The following SRBD1 variants were observed in gnomAD, a reference collection of about 807,000 sequenced individuals.
The protein encoded by SRBD1 is S1 RNA binding domain 1.
SRBD1 carries 88 observed loss-of-function variants against 115.3 expected under a neutral mutation model. The ratio of observed to expected loss-of-function variants is 0.76; its 90% CI spans 0.64 to 0.91. SRBD1 has a LOEUF of 0.91. Ranked by LOEUF, SRBD1 falls within the 40% of genes least tolerant of loss-of-function variation. SRBD1 has a pLI of 0.00. For missense variants in SRBD1, 1,385 were observed against 1,177.4 expected, an observed-to-expected ratio of 1.18 and a Z score of -2.58; for synonymous variants, 509 against 407.7, an observed-to-expected ratio of 1.25 and a Z score of -2.99.
At chr2:45,406,596 C>T (rs1667444729) in intron 19 of SRBD1, among the ~76,000 whole-genome samples, 1 of 152,104 alleles carries the variant, frequency 6.6e-6, no homozygotes, top group Non-Finnish European at 1.5e-5. Flanking sequence ...TACTCCTCTC[C>T]TAAAATAAGA....
chr2:45,598,468 GC>G (rs1316597032), intron 4 of SRBD1, among the ~76,000 whole-genome samples: 1 of 152,064 alleles, frequency 6.6e-6, no homozygotes, highest in Non-Finnish European at 1.5e-5. Flanking sequence ...CGAAAAATTA[GC>G]CGGGCGTGGT....
chr2:45,596,929 A>AACAC (rs3223332), intron 4 of SRBD1, among the ~76,000 whole-genome samples: 36,361 of 142,908 alleles, frequency 0.25, 4,921 homozygotes, highest in East Asian at 0.41. Flanking sequence ...CCACAACCCT[A>AACAC]ACACACACAC....
At chr2:45,519,902 C>T (rs1455841137) in intron 14 of SRBD1, among the ~76,000 whole-genome samples, 1 of 152,022 alleles carries the variant, frequency 6.6e-6, no homozygotes, top group Admixed American at 6.6e-5. Context: ...ATGAGGAAAA[C>T]AAGGCACAGA....
chr2:45,402,687 T>C lies in SRBD1; in HGVS notation c.2514-9558A>G, dbSNP rs571307630. Among the ~76,000 whole-genome samples, 94 of 152,314 alleles carry C rather than the reference T, an allele frequency of 6.2e-4. 1 individual carries two copies. The highest frequency in any genetic ancestry group is 1.8e-3 in the African/African-American group (73 of 41,574). On this transcript the variant is annotated intron_variant, in intron 19 of 20. Coordinates refer to ENST00000263736, the MANE Select transcript of SRBD1 (RefSeq NM_018079.5). ...AGTCTTGACAATAAATTTCCTGATA[T>C]TTTTCAAGTTAAATCAAGAGCACAA... is the stretch of plus-strand genomic sequence containing the variant.
At chr2:45,537,068 C>T (rs563918639) in intron 14 of SRBD1, among the ~76,000 whole-genome samples, 27 of 152,260 alleles carry the variant, frequency 1.8e-4, no homozygotes, top group African/African-American at 5.8e-4. Flanking sequence ...CTGGTTAAGA[C>T]GCACTAAATG....
chr2:45,545,942 A>C (rs1411591857), intron 14 of SRBD1, among the ~76,000 whole-genome samples: 1 of 152,226 alleles, frequency 6.6e-6, no homozygotes, highest in African/African-American at 2.4e-5. Flanking sequence ...CCTGTCAGTC[A>C]CCTGCTCATC....
chr2:45,406,832 G>A (rs981387348), intron 19 of SRBD1, among the ~76,000 whole-genome samples: 3 of 151,614 alleles, frequency 2.0e-5, no homozygotes, highest in Non-Finnish European at 2.9e-5. Context: ...TTTCAGCCAC[G>A]TGATGATAGA....
At chr2:45,601,413 C>T (rs1674088125) in intron 3 of SRBD1, among the ~76,000 whole-genome samples, 1 of 152,316 alleles carries the variant, frequency 6.6e-6, no homozygotes. Flanking sequence ...CTTGTGAACA[C>T]AACTGATGTA....
intron 14 of SRBD1, among the ~76,000 whole-genome samples, chr2:45,505,614 C>T (rs549761553): frequency 1.5e-4 from 23 of 152,280 alleles, no homozygotes; most frequent in East Asian, 1.3e-3. Context: ...AGATCCTTTT[C>T]AGTTATTCTA....
chr2:45,487,615 A>T (rs189235899), intron 15 of SRBD1, among the ~76,000 whole-genome samples: 1 of 152,172 alleles, frequency 6.6e-6, no homozygotes, highest in Admixed American at 6.5e-5. Context: ...ATTTTGTAAC[A>T]ATAATAAAAG....
In SRBD1 at chr2:45,405,071, T is replaced by A. The variant is rs74352811; in HGVS notation, c.2513+8043A>T. On this transcript the variant is annotated intron_variant, in intron 19 of 20. Coordinates refer to ENST00000263736, the MANE Select transcript of SRBD1 (RefSeq NM_018079.5). ...AAACCCTTACCCACAATCCTGGCAA[T>A]CCCTATTCCATTACTCTGCTCTTTC... Among the ~76,000 whole-genome samples, 569 of 152,208 alleles carry A rather than the reference T, an allele frequency of 3.7e-3. 8 individuals are homozygous for A. The highest frequency in any genetic ancestry group is 0.013 in the African/African-American group (548 of 41,546).
At chr2:45,585,914 C>T (rs888327174) in intron 4 of SRBD1, 140 bp from the exon 5 acceptor site, 1 of 617,508 alleles carries the variant, frequency 1.6e-6, no homozygotes, top group Non-Finnish European at 2.6e-6. Flanking sequence ...AAAAGAAAGC[C>T]ATATAAAATA....
At chr2:45,478,454 T>C (rs1014744666) in intron 15 of SRBD1, among the ~76,000 whole-genome samples, 3 of 152,210 alleles carry the variant, frequency 2.0e-5, no homozygotes, top group African/African-American at 7.2e-5. Context: ...AATAGCTCCT[T>C]GCAAAGCAAG....
intron 14 of SRBD1, among the ~76,000 whole-genome samples, chr2:45,528,860 G>A (rs1207798618): frequency 3.3e-5 from 5 of 151,888 alleles, no homozygotes; most frequent in African/African-American, 4.8e-5. Flanking sequence ...AGCAGTGTAC[G>A]AAACTGAAAA....
rs1349272542 is a variant in SRBD1, at chr2:45,477,092, A to G, written c.1967-17T>C. ...CTATGGAAACTGAAAAAACAGAATCAGAAAACAAGTATGACTTAATGTGAA... is the reference window on the plus strand; with the variant it reads ...CTATGGAAACTGAAAAAACAGAATCGGAAAACAAGTATGACTTAATGTGAA... On this transcript the variant is annotated splice_polypyrimidine_tract_variant and intron_variant, in intron 15 of 20. Transcript: ENST00000263736. The G allele has an allele frequency of 6.2e-7, 1 of 1,606,326 alleles. No individual in the cohort carries two copies. Among genetic ancestry groups the G allele is most frequent in the South Asian group, 1.1e-5 (1 of 90,840 alleles).
At chr2:45,545,526 G>C (rs1267926247) in intron 14 of SRBD1, among the ~76,000 whole-genome samples, 4 of 151,890 alleles carry the variant, frequency 2.6e-5, no homozygotes, top group Admixed American at 2.6e-4. Flanking sequence ...ATGTGAACAA[G>C]TTAAAAAAAA....
chr2:45,527,694 C>T (rs1039806862), intron 14 of SRBD1, among the ~76,000 whole-genome samples: 1 of 151,840 alleles, frequency 6.6e-6, no homozygotes, highest in South Asian at 2.1e-4. Flanking sequence ...GAAGTAGATA[C>T]TATTATTATC....
In SRBD1 at chr2:45,599,460, C is replaced by T. The variant is rs529090835; in HGVS notation, c.637G>A (p.Asp213Asn). The change falls in exon 4 of 21, where the codon GAC becomes AAC. Residue 213 changes from aspartate to asparagine, a missense_variant. Asp to Asn is a conservative substitution (Grantham distance 23). Coordinates refer to ENST00000263736, the MANE Select transcript of SRBD1 (RefSeq NM_018079.5). ...STKEEVEMNW[D>N]MVQVLSERTN... ...AAGGCTGCACATACCTGTACCATGT[C>T]CCAATTCATTTCCACCTCCTCTTTA... 1 of 1,613,416 alleles carries T rather than the reference C, an allele frequency of 6.2e-7. No homozygotes were observed. Among genetic ancestry groups the T allele is most frequent in the African/African-American group, 1.3e-5 (1 of 75,042 alleles).
Position 45,601,998 on chromosome 2 carries a change from G to T in SRBD1, c.166C>A (p.Pro56Thr), listed in dbSNP as rs201888826. The T allele has an allele frequency of 1.2e-6, 2 of 1,614,224 alleles. No individual in the cohort carries two copies. The highest frequency in any genetic ancestry group is 1.7e-6 in the Non-Finnish European group (2 of 1,180,034). ...KVPRSRKQPP[P>T]KESKPKRMPR... is the part of the protein sequence containing the mutation. ...ATCCTCTTTGGTTTGGATTCCTTGG[G>T]AGGGGGCTGTTTACGGCTTCTGGGA... Residue 56 changes from proline (P) to threonine (T), a missense_variant, in exon 3 of 21, where the codon CCC (proline) becomes ACC (threonine). Coordinates refer to ENST00000263736, the MANE Select transcript of SRBD1 (RefSeq NM_018079.5).
Sources: gnomAD v4.1 joint callset for allele counts (sites outside exome capture counted in the v4.1 genomes callset) on GRCh38, gnomAD v4.1.1 for gene constraint, MANE v1.5 for transcripts, NCBI Gene and HGNC (gene_info 2026-07-23, HGNC 2026-07-21) for gene names.